Variants in FARS2 observed in about 807,000 individuals in gnomAD.
FARS2 encodes the protein phenylalanine--tRNA ligase, mitochondrial.
Under a neutral mutation model 46.4 loss-of-function variants are expected in FARS2, and 40 were observed. The ratio of observed to expected loss-of-function variants is 0.86; its 90% CI spans 0.67 to 1.12. The LOEUF (loss-of-function observed/expected upper bound fraction) is 1.12, where lower values mean the gene tolerates loss of function less well. Among genes scored for constraint, FARS2 ranks in the 50% most tolerant of loss-of-function variants. The pLI, the probability that FARS2 is intolerant of heterozygous loss-of-function variation, is 0.00. For missense variants in FARS2, 513 were observed against 567.9 expected, an observed-to-expected ratio of 0.90 and a Z score of 0.98; for synonymous variants, 234 against 214.9, an observed-to-expected ratio of 1.09 and a Z score of -0.78.
At chr6:5,614,018 GC>G (rs1296916810) in intron 6 of FARS2, among the ~76,000 whole-genome samples, 1 of 152,046 alleles carries the variant, frequency 6.6e-6, no homozygotes, top group East Asian at 1.9e-4. Context: ...GATGCAGAAG[GC>G]AGCCAAGAAC....
At chr6:5,556,952 A>G (rs1771696084) in intron 5 of FARS2, among the ~76,000 whole-genome samples, 1 of 152,066 alleles carries the variant, frequency 6.6e-6, no homozygotes, top group Admixed American at 6.6e-5. Context: ...AAGTTTTGGC[A>G]CTCTGTGGAA....
At chr6:5,393,418 A>T (rs1760700738) in intron 2 of FARS2, among the ~76,000 whole-genome samples, 1 of 152,036 alleles carries the variant, frequency 6.6e-6, no homozygotes, top group South Asian at 2.1e-4. Flanking sequence ...GCTCTTTGGG[A>T]GGCTGAGGTG....
intron 1 of FARS2, among the ~76,000 whole-genome samples, chr6:5,296,361 TC>T (rs1767884423): frequency 6.6e-6 from 1 of 152,108 alleles, no homozygotes; most frequent in Admixed American, 6.5e-5. Flanking sequence ...CAGGATGGTC[TC>T]GATCTCCTGA....
At chr6:5,394,045 AAAG>A (rs1339726253) in intron 2 of FARS2, among the ~76,000 whole-genome samples, 1 of 152,228 alleles carries the variant, frequency 6.6e-6, no homozygotes, top group African/African-American at 2.4e-5. Flanking sequence ...TAGAAATTTG[AAAG>A]AAGAGTTTAT....
chr6:5,287,573 G>C (rs1287711191), intron 1 of FARS2, among the ~76,000 whole-genome samples: 2 of 152,164 alleles, frequency 1.3e-5, no homozygotes, highest in East Asian at 1.9e-4. Flanking sequence ...TCGGGCTGCT[G>C]TTCCTTCATG....
At chr6:5,639,758 T>G (rs1776719121) in intron 6 of FARS2, among the ~76,000 whole-genome samples, 1 of 152,208 alleles carries the variant, frequency 6.6e-6, no homozygotes, top group Admixed American at 6.5e-5. Flanking sequence ...AACACTTCGT[T>G]GATGACCAGT....
At chr6:5,325,329 G>A (rs1289779326) in intron 1 of FARS2, among the ~76,000 whole-genome samples, 1 of 152,226 alleles carries the variant, frequency 6.6e-6, no homozygotes, top group East Asian at 1.9e-4. Flanking sequence ...CCAAAGCAAT[G>A]CATCACTAAT....
At chr6:5,441,395 C>A (rs549215440) in intron 4 of FARS2, among the ~76,000 whole-genome samples, 97 of 152,314 alleles carry the variant, frequency 6.4e-4, no homozygotes, top group African/African-American at 2.3e-3. Flanking sequence ...CTTCTATAAG[C>A]AATCACATTC....
At chr6:5,334,992 G>A (rs1475827502) in intron 1 of FARS2, among the ~76,000 whole-genome samples, 2 of 152,130 alleles carry the variant, frequency 1.3e-5, no homozygotes, top group East Asian at 1.9e-4. Context: ...ATAAATTAAG[G>A]TTGGGATCTG....
intron 1 of FARS2, among the ~76,000 whole-genome samples, chr6:5,289,980 T>C (rs1048478250): frequency 6.6e-6 from 1 of 152,216 alleles, no homozygotes; most frequent in African/African-American, 2.4e-5. Flanking sequence ...AATTCCACTC[T>C]TTTGTGTTCA....
At chr6:5,293,777 A>C (rs1767663101) in intron 1 of FARS2, among the ~76,000 whole-genome samples, 1 of 152,244 alleles carries the variant, frequency 6.6e-6, no homozygotes, top group African/African-American at 2.4e-5. Flanking sequence ...GAACTGTTAC[A>C]ACAGGAATTT....
chr6:5,770,038 T>C (rs1762953556), intron 6 of FARS2, among the ~76,000 whole-genome samples: 1 of 152,142 alleles, frequency 6.6e-6, no homozygotes, highest in Non-Finnish European at 1.5e-5. Context: ...AGCCAAGGGC[T>C]CTGGCATTCA....
intron 6 of FARS2, among the ~76,000 whole-genome samples, chr6:5,766,164 G>T (rs927355197): frequency 6.6e-6 from 1 of 152,220 alleles, no homozygotes; most frequent in Non-Finnish European, 1.5e-5. Flanking sequence ...GAGAACTTTT[G>T]TTTGCCTCTA....
At chr6:5,624,970 C>G (rs1419474314) in intron 6 of FARS2, among the ~76,000 whole-genome samples, 1 of 152,224 alleles carries the variant, frequency 6.6e-6, no homozygotes, top group Non-Finnish European at 1.5e-5. Flanking sequence ...GAGTCTGCCC[C>G]TCATCCCCGC....
intron 4 of FARS2, among the ~76,000 whole-genome samples, chr6:5,523,731 G>A (rs1352528139): frequency 6.6e-6 from 1 of 152,180 alleles, no homozygotes; most frequent in African/African-American, 2.4e-5. Flanking sequence ...TTCTGTGTGT[G>A]CCTGTGTGTG....
At chr6:5,397,685 G>T (rs1760992077) in intron 2 of FARS2, among the ~76,000 whole-genome samples, 1 of 152,192 alleles carries the variant, frequency 6.6e-6, no homozygotes, top group Admixed American at 6.5e-5. Context: ...ATTGAAAAAT[G>T]TGTTTGCTTG....
At chr6:5,357,157 C>T (rs1757986678) in intron 1 of FARS2, among the ~76,000 whole-genome samples, 1 of 152,110 alleles carries the variant, frequency 6.6e-6, no homozygotes, top group African/African-American at 2.4e-5. Flanking sequence ...CCTAAATGAA[C>T]TTCAGTGCTG....
chr6:5,703,369 T>C lies in FARS2; in HGVS notation c.1218-67922T>C, dbSNP rs149377390. Among the ~76,000 whole-genome samples the C allele has an allele frequency of 2.4e-3, 360 of 152,146 alleles. 1 individual carries two copies. The highest frequency in any genetic ancestry group is 8.3e-3 in the African/African-American group (346 of 41,512). Reference sequence around the variant, plus strand: ...AGACCCAGTACATTATTTTAGAAAATAAGGTTTGTGGGTCCCTAGTGGTCT... The same window carrying C: ...AGACCCAGTACATTATTTTAGAAAACAAGGTTTGTGGGTCCCTAGTGGTCT... On this transcript the variant is annotated intron_variant, in intron 6 of 6. Coordinates refer to ENST00000274680, the MANE Select transcript of FARS2 (RefSeq NM_006567.5).
intron 1 of FARS2, among the ~76,000 whole-genome samples, chr6:5,281,291 C>G (rs1013901396): frequency 6.6e-6 from 1 of 152,148 alleles, no homozygotes; most frequent in Non-Finnish European, 1.5e-5. Flanking sequence ...TTTAATAATT[C>G]ATGTATTAGA....
Sources: allele counts gnomAD v4.1 joint callset (sites outside exome capture counted in the v4.1 genomes callset), GRCh38; gene constraint gnomAD v4.1.1; transcripts MANE v1.5; gene names NCBI Gene and HGNC (gene_info 2026-07-23, HGNC 2026-07-21).